The following WIPF1 variants were observed in gnomAD, a reference collection of about 807,000 sequenced individuals.
The protein encoded by WIPF1 is WAS/WASL interacting protein family member 1.
A neutral mutation model predicts 35.4 loss-of-function variants in WIPF1; 13 were observed. The observed-to-expected ratio is 0.37, with a 90% CI of 0.24 to 0.58. The LOEUF is 0.58. Ranked by LOEUF, WIPF1 falls within the 20% of genes least tolerant of loss-of-function variation. WIPF1 has a pLI of 0.74. For synonymous variants in WIPF1, 267 were observed against 266.3 expected (o/e 1.00, Z -0.02); for missense variants, 591 against 667.0 (o/e 0.89, Z 1.25).
At position 174,559,851 on chromosome 2, in the gene WIPF1, C is replaced by T. The variant is rs547575879; in HGVS notation, c.*2696G>A. ...GGTATTACACTTTAAAATATAAAGA[C>T]CTAACAGTTTTTACAAATATGCAAA... is the stretch of plus-strand genomic sequence containing the variant. On this transcript the variant is annotated 3_prime_UTR_variant, in exon 8 of 8. Coordinates refer to ENST00000679041, the MANE Select transcript of WIPF1 (RefSeq NM_001375834.1). The T allele has an allele frequency of 6.6e-6, 1 of 152,626 alleles. No homozygotes were observed. The highest frequency in any genetic ancestry group is 1.9e-4 in the East Asian group (1 of 5,186). 9.5% of individuals were successfully genotyped at this position (152,626 alleles called of 1,614,324 possible). A position where few individuals can be genotyped will look rare whatever the true frequency, so the allele number is the denominator to read the frequency against.
rs1167012870 is a variant in WIPF1, at chr2:174,571,233, G to C, written c.1129+443C>G. ...CCTCAAAGCCTGGCGAATGAAGAGA[G>C]AAGTACAGGAGAAGTTCATTAGCTC... On this transcript the variant is annotated intron_variant, in intron 5 of 7. Coordinates refer to ENST00000679041, the MANE Select transcript of WIPF1 (RefSeq NM_001375834.1). This position sits in a 1 kb window ranked among gnomAD's most constrained non-coding sequence, Gnocchi z 4.6. 3.3e-6 allele frequency: 1 copy of C among 305,234 alleles called. No individual in the cohort carries two copies. The highest frequency in any genetic ancestry group is 6.1e-6 in the Non-Finnish European group (1 of 164,790). 18.9% of individuals were successfully genotyped at this position (305,234 alleles called of 1,614,324 possible).
At chr2:174,572,665 A>C (rs1480452391) in intron 4 of WIPF1, among the ~76,000 whole-genome samples, 1 of 152,236 alleles carries the variant, frequency 6.6e-6, no homozygotes, top group Non-Finnish European at 1.5e-5. Flanking sequence ...ACAGCCTATG[A>C]GCTTTCAAAA....
rs1192607643 is a variant in WIPF1 at position 174,577,225 on chromosome 2, TA to T, written c.182-1846del. Among the ~76,000 whole-genome samples the T allele has an allele frequency of 4.6e-5, 7 of 152,336 alleles. No individual in the cohort carries two copies. The East Asian group carries it at 1.3e-3, about 29-fold the overall frequency. ...AAGCCACTTTGCTATGTTTTCTAAA[TA>T]AAATTTACTAAAAATGTATTATCTT... On this transcript the variant is annotated intron_variant, in intron 3 of 7. Coordinates refer to ENST00000679041, the MANE Select transcript of WIPF1 (RefSeq NM_001375834.1).
intron 1 of WIPF1, among the ~76,000 whole-genome samples, chr2:174,649,664 T>C (rs1687491262): frequency 6.6e-6 from 1 of 152,202 alleles, no homozygotes; most frequent in Non-Finnish European, 1.5e-5. Context: ...CATGTGGCCC[T>C]ATGTGGTGTG....
At position 174,560,615 on chromosome 2, in the gene WIPF1, A is replaced by C. The variant is rs773759670; in HGVS notation, c.*1932T>G. 6.6e-6 allele frequency: 1 copy of C among 152,584 alleles called. No homozygotes were observed. The highest frequency in any genetic ancestry group is 1.9e-4 in the East Asian group (1 of 5,196). The allele number at this position is 152,584 out of a possible 1,614,324, so 9.5% of individuals were successfully genotyped here. A position where few individuals can be genotyped will look rare whatever the true frequency, so the allele number is the denominator to read the frequency against. ...AAGCCAACACTTTGCCAAGCTTGTTATACCTTATTATTTCTTGATTCTCTT... is the reference window on the plus strand; with the variant it reads ...AAGCCAACACTTTGCCAAGCTTGTTCTACCTTATTATTTCTTGATTCTCTT... On this transcript the variant is annotated 3_prime_UTR_variant, in exon 8 of 8. Coordinates refer to ENST00000679041, the MANE Select transcript of WIPF1 (RefSeq NM_001375834.1).
chr2:174,565,871 G>A (rs181796405), intron 7 of WIPF1, among the ~76,000 whole-genome samples: 3 of 151,046 alleles, frequency 2.0e-5, no homozygotes, highest in East Asian at 1.9e-4. Flanking sequence ...TTTCTTCGTT[G>A]TATACATTTT....
intron 7 of WIPF1, among the ~76,000 whole-genome samples, chr2:174,564,815 GCACACA>G (rs10587549): frequency 1.4e-3 from 200 of 143,478 alleles, no homozygotes; most frequent in South Asian, 8.9e-3. Context: ...TTCTTCTGGT[GCACACA>G]CACACACACA....
intron 1 of WIPF1, among the ~76,000 whole-genome samples, chr2:174,662,687 A>G (rs1270253334): frequency 1.3e-5 from 2 of 152,204 alleles, no homozygotes; most frequent in Admixed American, 6.5e-5. Flanking sequence ...AGTCATAAAC[A>G]TGCTCTCTCC....
At chr2:174,579,744 A>AG (rs1463982473) in intron 3 of WIPF1, among the ~76,000 whole-genome samples, 20 of 152,354 alleles carry the variant, frequency 1.3e-4, no homozygotes, top group African/African-American at 4.6e-4. Flanking sequence ...CTCCTTCAAC[A>AG]GAGCCCTAGG....
At chr2:174,581,250 G>T in intron 3 of WIPF1, 60 bp downstream of exon 3, 1 of 1,597,312 alleles carries the variant, frequency 6.3e-7, no homozygotes, top group East Asian at 2.2e-5. Context: ...GGTGAGGGTA[G>T]GGTTGATTAT....
At chr2:174,642,096 A>G (rs1559170226) in intron 1 of WIPF1, among the ~76,000 whole-genome samples, 2 of 152,084 alleles carry the variant, frequency 1.3e-5, no homozygotes, top group Non-Finnish European at 2.9e-5. Context: ...TTCATAAATG[A>G]CCACTTTATT....
Position 174,590,314 on chromosome 2 carries a change from G to A in WIPF1, c.-38-4703C>T, listed in dbSNP as rs1453163405. On this transcript the variant is annotated intron_variant, in intron 1 of 7. Transcript: ENST00000679041. The surrounding 1 kb of genome is among the most constrained non-coding windows in gnomAD (Gnocchi z 4.6). ...AAGGCTTTCAGCATGGCCTGGGGGA[G>A]CAAAGCTGTCAGTGGACAGGGCTTA... 6.6e-6 allele frequency among the ~76,000 whole-genome samples: 1 copy of A among 152,188 alleles called. No homozygotes were observed. The highest frequency in any genetic ancestry group is 1.5e-5 in the Non-Finnish European group (1 of 68,036).
At chr2:174,656,768 G>C (rs1653175426) in intron 1 of WIPF1, among the ~76,000 whole-genome samples, 1 of 152,196 alleles carries the variant, frequency 6.6e-6, no homozygotes, top group African/African-American at 2.4e-5. Flanking sequence ...AGGCTGCTGT[G>C]CTCAGGGGAA....
Position 174,571,668 on chromosome 2 carries a change from T to C in WIPF1, c.1129+8A>G. ...TTTGGAAGCAACTCACTCCACGTCT[T>C]GTCATACCTGATCGGCCTGGCGGGT... On this transcript the variant is annotated splice_region_variant and intron_variant, in intron 5 of 7. Coordinates refer to ENST00000679041, the MANE Select transcript of WIPF1 (RefSeq NM_001375834.1). The surrounding 1 kb of genome is among the most constrained non-coding windows in gnomAD (Gnocchi z 4.6). 1 of 1,614,200 alleles carries C rather than the reference T, an allele frequency of 6.2e-7. No homozygotes were observed. Among genetic ancestry groups the C allele is most frequent in the Admixed American group, 1.7e-5 (1 of 60,030 alleles).
intron 1 of WIPF1, among the ~76,000 whole-genome samples, chr2:174,646,813 C>T (rs1687419279): frequency 6.6e-6 from 1 of 152,074 alleles, no homozygotes; most frequent in South Asian, 2.1e-4. Flanking sequence ...CAGGGTTTTG[C>T]CATGTTGCCT....
chr2:174,663,463 T>C (rs1336666889), intron 1 of WIPF1, among the ~76,000 whole-genome samples: 1 of 151,934 alleles, frequency 6.6e-6, no homozygotes, highest in Non-Finnish European at 1.5e-5. Context: ...CTCCACGCAT[T>C]CCCCTTCCCC....
chr2:174,621,713 T>C (rs1171326052), intron 1 of WIPF1, among the ~76,000 whole-genome samples: 1 of 152,232 alleles, frequency 6.6e-6, no homozygotes, highest in Non-Finnish European at 1.5e-5. Context: ...TCAACATTAA[T>C]ATAAAAATTA....
Position 174,575,345 on chromosome 2 carries a change from C to T in WIPF1, c.217G>A (p.Gly73Ser). Residue 73 changes from glycine to serine, a missense_variant, in exon 4 of 8, where the codon GGC becomes AGC. This residue lies in a region of WIPF1 where 471 missense variants were observed against 501.1 expected (regional missense o/e 0.94). Transcript: ENST00000679041. ...CCAAATCCGCCGCCTCCACCAAAGC[C>T]ACCACCACCGCCTCCAGCACCAGCT... is the stretch of plus-strand genomic sequence containing the variant. The part of the protein sequence containing the change: ...KGAGAGGGGG[G>S]FGGGGGFGGG... 6.2e-7 allele frequency: 1 copy of T among 1,613,398 alleles called. No individual in the cohort carries two copies. The highest frequency in any genetic ancestry group is 8.5e-7 in the Non-Finnish European group (1 of 1,179,676).
At chr2:174,625,454 G>A (rs1686800732) in intron 1 of WIPF1, among the ~76,000 whole-genome samples, 1 of 152,124 alleles carries the variant, frequency 6.6e-6, no homozygotes, top group South Asian at 2.1e-4. Flanking sequence ...AAAGCAGGCT[G>A]GGGGGCTCTG....
Sources: allele counts gnomAD v4.1 joint callset (sites outside exome capture counted in the v4.1 genomes callset), GRCh38; gene constraint gnomAD v4.1.1; regional missense constraint gnomAD v4.1.1; non-coding constraint Gnocchi (gnomAD v3.1); transcripts MANE v1.5; gene names NCBI Gene and HGNC (gene_info 2026-07-23, HGNC 2026-07-21).